Variants in GRM7 observed in about 807,000 individuals in gnomAD.
GRM7 encodes metabotropic glutamate receptor 7.
Under a neutral mutation model 84.5 loss-of-function variants are expected in GRM7, and 35 were observed. The observed-to-expected ratio is 0.41, with a 90% CI of 0.32 to 0.55. The LOEUF (loss-of-function observed/expected upper bound fraction) is 0.55. Ranked by LOEUF, GRM7 falls within the 20% of genes least tolerant of loss-of-function variation. The probability of loss-of-function intolerance (pLI) is 0.19; values close to 1 mark genes in which losing one functional copy is unlikely to be tolerated. For missense variants in GRM7, 1,003 were observed against 1,194.6 expected, an observed-to-expected ratio of 0.84 and a Z score of 2.36; for synonymous variants, 487 against 455.1, an observed-to-expected ratio of 1.07 and a Z score of -0.89.
chr3:7,665,066 G>T (rs1319690369), intron 8 of GRM7, among the ~76,000 whole-genome samples: 3 of 152,006 alleles, frequency 2.0e-5, no homozygotes, highest in African/African-American at 7.2e-5. Flanking sequence ...TGCACTATTG[G>T]TGGAAAAGAT....
chr3:7,120,232 A>C lies in GRM7; in HGVS notation c.520-26220A>C, dbSNP rs1163629290. Among the ~76,000 whole-genome samples, 10 of 152,118 alleles carry C rather than the reference A, an allele frequency of 6.6e-5. 1 individual carries two copies. Among genetic ancestry groups the C allele is most frequent in the Admixed American group, 6.6e-4 (10 of 15,262 alleles). ...CCTAAAACAAAAGTAAAAACCTATT[A>C]GTCAAGAACGGGAAAAGAGAGATGT... is the stretch of plus-strand genomic sequence containing the variant. On this transcript the variant is annotated intron_variant, in intron 1 of 9. Coordinates refer to ENST00000357716, the MANE Select transcript of GRM7 (RefSeq NM_000844.4).
intron 5 of GRM7, among the ~76,000 whole-genome samples, chr3:7,419,298 A>G (rs959506348): frequency 3.9e-5 from 6 of 152,152 alleles, no homozygotes. Context: ...TTTAACACAG[A>G]GTGTGTGTCC....
At chr3:7,136,865 A>G (rs1318297878) in intron 1 of GRM7, among the ~76,000 whole-genome samples, 1 of 152,166 alleles carries the variant, frequency 6.6e-6, no homozygotes, top group Non-Finnish European at 1.5e-5. Flanking sequence ...GGGGAGAAGA[A>G]TAAACAGATA....
intron 7 of GRM7, among the ~76,000 whole-genome samples, chr3:7,568,732 G>C (rs1340957521): frequency 6.6e-6 from 1 of 152,180 alleles, no homozygotes; most frequent in Non-Finnish European, 1.5e-5. Context: ...GAGGGGCTTA[G>C]CACCCGGGCC....
At chr3:7,490,130 C>T (rs887356921) in intron 7 of GRM7, among the ~76,000 whole-genome samples, 16 of 152,040 alleles carry the variant, frequency 1.1e-4, no homozygotes, top group Admixed American at 8.5e-4. Context: ...AACTGATAAA[C>T]TGCCCATTGG....
chr3:6,939,059 GA>G (rs1275415524), intron 1 of GRM7, among the ~76,000 whole-genome samples: 3 of 152,042 alleles, frequency 2.0e-5, no homozygotes, highest in African/African-American at 7.2e-5. Context: ...GTTTCATTTT[GA>G]TTTTTTCTGC....
intron 8 of GRM7, among the ~76,000 whole-genome samples, chr3:7,604,164 TG>T (rs1696452345): frequency 6.6e-6 from 1 of 151,928 alleles, no homozygotes; most frequent in Admixed American, 6.6e-5. Context: ...AACTTTCCAT[TG>T]GAGATACTAG....
At chr3:7,682,581 G>T in intron 9 of GRM7, among the ~76,000 whole-genome samples, 3 of 149,496 alleles carry the variant, frequency 2.0e-5, no homozygotes, top group Admixed American at 6.7e-5. Context: ...CATTTAACTA[G>T]ATACTGTTCA....
At chr3:7,193,373 G>C (rs1695778618) in intron 2 of GRM7, among the ~76,000 whole-genome samples, 1 of 152,024 alleles carries the variant, frequency 6.6e-6, no homozygotes, top group African/African-American at 2.4e-5. Flanking sequence ...AAGCACTTAG[G>C]AGTAATCAGA....
intron 1 of GRM7, among the ~76,000 whole-genome samples, chr3:6,871,225 TC>T (rs1183178910): frequency 6.6e-6 from 1 of 152,212 alleles, no homozygotes; most frequent in Admixed American, 6.5e-5. Flanking sequence ...CCTATGTTTC[TC>T]CCTGATGTTA....
At position 7,318,945 on chromosome 3, in the gene GRM7, A is replaced by G. The variant is rs1377373827; in HGVS notation, c.1033+12293A>G. 2.6e-5 allele frequency among the ~76,000 whole-genome samples: 4 copies of G among 152,058 alleles called. No individual in the cohort carries two copies. In the East Asian group the frequency reaches 7.7e-4, roughly 29 times the overall value. On this transcript the variant is annotated intron_variant, in intron 4 of 9. Transcript: ENST00000357716. ...ATTCACATTTCAGACAAAAATGCCAATTTGTCGTTTGGATTTTAGGAGGTT... is the reference window on the plus strand; with the variant it reads ...ATTCACATTTCAGACAAAAATGCCAGTTTGTCGTTTGGATTTTAGGAGGTT...
intron 1 of GRM7, among the ~76,000 whole-genome samples, chr3:6,977,437 C>T (rs552754417): frequency 3.3e-5 from 5 of 151,872 alleles, no homozygotes; most frequent in East Asian, 1.9e-4. Flanking sequence ...TGAAATAAAT[C>T]GTTATTCCCT....
At chr3:7,417,410 T>A (rs1696211007) in intron 5 of GRM7, among the ~76,000 whole-genome samples, 1 of 152,170 alleles carries the variant, frequency 6.6e-6, no homozygotes, top group Admixed American at 6.6e-5. Flanking sequence ...TCCAACCATA[T>A]GTACATCTTT....
At position 7,736,894 on chromosome 3, in the gene GRM7, T is replaced by C. The variant is rs1489753854; in HGVS notation, c.2699-3463T>C. ...AAAGAGCTGAGGAGAACACATGGTA[T>C]ATAGTTAATAAGCTACAGTATTTCT... On this transcript the variant is annotated intron_variant, in intron 9 of 9. Coordinates refer to ENST00000357716, the MANE Select transcript of GRM7 (RefSeq NM_000844.4). Among the ~76,000 whole-genome samples the C allele has an allele frequency of 6.6e-5, 10 of 152,324 alleles. No individual in the cohort carries two copies. In the East Asian group the frequency reaches 1.9e-3, roughly 29 times the overall value.
At chr3:7,459,416 C>G (rs1229399829) in intron 6 of GRM7, among the ~76,000 whole-genome samples, 1 of 152,172 alleles carries the variant, frequency 6.6e-6, no homozygotes, top group East Asian at 1.9e-4. Context: ...TGTATTAATC[C>G]ATTTTCACAC....
At chr3:7,263,127 G>A (rs974543795) in intron 2 of GRM7, among the ~76,000 whole-genome samples, 2 of 152,224 alleles carry the variant, frequency 1.3e-5, no homozygotes, top group Non-Finnish European at 2.9e-5. Flanking sequence ...TGTCCTTGGG[G>A]GCTTAGTTGT....
chr3:7,501,367 G>A (rs776242712), intron 7 of GRM7, among the ~76,000 whole-genome samples: 1 of 152,188 alleles, frequency 6.6e-6, no homozygotes, highest in Non-Finnish European at 1.5e-5. Flanking sequence ...AACACTTGCA[G>A]CTTCTGCTTT....
chr3:7,718,056 G>A (rs1701826847), intron 9 of GRM7, among the ~76,000 whole-genome samples: 1 of 152,200 alleles, frequency 6.6e-6, no homozygotes, highest in Non-Finnish European at 1.5e-5. Flanking sequence ...GAACTCTGGA[G>A]TCAGATGGCC....
At chr3:7,664,077 T>C (rs997424225) in intron 8 of GRM7, among the ~76,000 whole-genome samples, 2 of 152,208 alleles carry the variant, frequency 1.3e-5, no homozygotes, top group African/African-American at 4.8e-5. Context: ...TTAGACACCC[T>C]ATAATTACCC....
Sources: gnomAD v4.1 joint callset for allele counts (sites outside exome capture counted in the v4.1 genomes callset) on GRCh38, gnomAD v4.1.1 for gene constraint, MANE v1.5 for transcripts, NCBI Gene and HGNC (gene_info 2026-07-23, HGNC 2026-07-21) for gene names.